The following VIT variants were observed in gnomAD, a reference collection of about 807,000 sequenced individuals.
VIT encodes the protein vitrin.
VIT carries 99 observed loss-of-function variants against 78.0 expected under a neutral mutation model. That is an observed-to-expected ratio of 1.27 (90% CI 1.08 to 1.50). VIT has a LOEUF of 1.50. Among genes scored for constraint, VIT ranks in the 40% most tolerant of loss-of-function variants. VIT has a pLI of 0.00. For synonymous variants in VIT, 374 were observed against 334.3 expected (o/e 1.12, Z -1.29); for missense variants, 1,126 against 875.3 (o/e 1.29, Z -3.61).
rs77936393 is a variant in VIT, at chr2:36,814,775, T to A, written c.*414T>A. On this transcript the variant is annotated 3_prime_UTR_variant, in exon 16 of 16. Transcript: ENST00000379242. Reference sequence around the variant, plus strand: ...AATGTAGGAATTGCTGAATTAAATGTTTAGAAGGATGACATGCAATGTTTC... The same window carrying A: ...AATGTAGGAATTGCTGAATTAAATGATTAGAAGGATGACATGCAATGTTTC... 6.8e-3 allele frequency: 1,089 copies of A among 160,620 alleles called. 8 individuals are homozygous for A. Among genetic ancestry groups the A allele is most frequent in the Non-Finnish European group, 0.013 (923 of 73,542 alleles). The allele number at this position is 160,620 out of a possible 1,614,324, so 9.9% of individuals were successfully genotyped here. A position where few individuals can be genotyped will look rare whatever the true frequency, so the allele number is the denominator to read the frequency against.
At chr2:36,727,295 C>T (rs1351646528) in intron 2 of VIT, among the ~76,000 whole-genome samples, 1 of 152,178 alleles carries the variant, frequency 6.6e-6, no homozygotes, top group Non-Finnish European at 1.5e-5. Context: ...CGTATGCACA[C>T]ACACATGGGT....
At chr2:36,718,809 T>C (rs762235891) in intron 2 of VIT, among the ~76,000 whole-genome samples, 1 of 152,202 alleles carries the variant, frequency 6.6e-6, no homozygotes, top group Admixed American at 6.5e-5. Context: ...TTGCTGTATA[T>C]GCCTGGCTTA....
At chr2:36,783,509 T>C in intron 11 of VIT, 107 bp downstream of exon 11, 1 of 1,058,280 alleles carries the variant, frequency 9.4e-7, no homozygotes, top group Non-Finnish European at 1.4e-6. Flanking sequence ...CTACCGTGGA[T>C]CTATTTATCT....
rs770212277 is a variant in VIT, at chr2:36,805,570, CGA to C, written c.1301_1302del (p.Glu434ValfsTer11). 45 of 1,613,916 alleles carry C rather than the reference CGA, an allele frequency of 2.8e-5. 1 individual carries two copies. The highest frequency in any genetic ancestry group is 3.6e-5 in the Non-Finnish European group (43 of 1,180,016). On this transcript the variant is annotated frameshift_variant, in exon 14 of 16. Coordinates refer to ENST00000379242, the MANE Select transcript of VIT (RefSeq NM_053276.4). LOFTEE classifies it high-confidence loss of function. ...AAAGTGGAGGAGGCTTCAAGACTTG[CGA>C]GAGAGTCAGGAATCAACATTTTCTT...
intron 3 of VIT, among the ~76,000 whole-genome samples, chr2:36,739,501 G>A (rs1667703703): frequency 6.6e-6 from 1 of 152,180 alleles, no homozygotes; most frequent in East Asian, 1.9e-4. Flanking sequence ...GTTCTGAGAT[G>A]AGACCTTTTG....
chr2:36,715,979 G>T (rs1489799248), intron 1 of VIT, among the ~76,000 whole-genome samples: 1 of 152,176 alleles, frequency 6.6e-6, no homozygotes, highest in African/African-American at 2.4e-5. Context: ...AATGAATAGT[G>T]AAGTATTAAT....
At chr2:36,760,633 C>T (rs1669060516) in intron 6 of VIT, among the ~76,000 whole-genome samples, 1 of 152,154 alleles carries the variant, frequency 6.6e-6, no homozygotes, top group African/African-American at 2.4e-5. Context: ...TCATCTGGCC[C>T]TGTGGCTCTG....
intron 1 of VIT, among the ~76,000 whole-genome samples, chr2:36,706,083 G>C (rs1665402237): frequency 6.6e-6 from 1 of 152,122 alleles, no homozygotes; most frequent in East Asian, 1.9e-4. Flanking sequence ...TGACAGCATG[G>C]TTTCAAGGTC....
chr2:36,809,513 G>T (rs1014492571), intron 15 of VIT, among the ~76,000 whole-genome samples: 1 of 152,186 alleles, frequency 6.6e-6, no homozygotes. Context: ...TGCCTCCCAG[G>T]TTGAAGCAAT....
intron 1 of VIT, among the ~76,000 whole-genome samples, chr2:36,715,863 T>C (rs372599959): frequency 6.6e-6 from 1 of 152,358 alleles, no homozygotes; most frequent in South Asian, 2.1e-4. Flanking sequence ...TTTCCACCTA[T>C]ATTAAACTGT....
chr2:36,798,630 G>C (rs1051759594), intron 12 of VIT, among the ~76,000 whole-genome samples: 1 of 151,968 alleles, frequency 6.6e-6, no homozygotes, highest in Non-Finnish European at 1.5e-5. Context: ...ATGGTGAAAG[G>C]TGCCTGTAAT....
At chr2:36,805,301 C>G (rs1011534559) in intron 13 of VIT, 137 bp from the exon 14 acceptor site, 1 of 899,972 alleles carries the variant, frequency 1.1e-6, no homozygotes, top group Non-Finnish European at 1.5e-6. Context: ...AAGACCCTGT[C>G]TCAAAGGAAA....
At chr2:36,764,949 T>G (rs995199933) in intron 6 of VIT, among the ~76,000 whole-genome samples, 2 of 151,874 alleles carry the variant, frequency 1.3e-5, no homozygotes, top group Middle Eastern at 3.2e-3. Context: ...CTTCTTGGTC[T>G]GCTGTGCTGT....
intron 2 of VIT, among the ~76,000 whole-genome samples, chr2:36,718,104 C>G (rs901640615): frequency 4.6e-5 from 7 of 152,286 alleles, no homozygotes; most frequent in Middle Eastern, 3.4e-3. Context: ...GAGGTACACC[C>G]TACTCCAGTA....
At chr2:36,729,378 T>G in intron 2 of VIT, 48 bp from the exon 3 acceptor site, 8 of 1,501,406 alleles carry the variant, frequency 5.3e-6, no homozygotes, top group Non-Finnish European at 6.3e-6. Flanking sequence ...GAGAAAGAAT[T>G]TAAGTAAAAT....
chr2:36,768,069 C>T (rs1292436516), intron 7 of VIT, among the ~76,000 whole-genome samples: 1 of 152,206 alleles, frequency 6.6e-6, no homozygotes, highest in African/African-American at 2.4e-5. Flanking sequence ...TGCCACATAG[C>T]ATGACCCTTC....
At chr2:36,704,772 A>C (rs1665306283) in intron 1 of VIT, among the ~76,000 whole-genome samples, 1 of 152,160 alleles carries the variant, frequency 6.6e-6, no homozygotes. Flanking sequence ...TGCCTCTCAG[A>C]ACTCTGTCAT....
intron 6 of VIT, among the ~76,000 whole-genome samples, chr2:36,760,106 T>C (rs568979347): frequency 6.6e-6 from 1 of 152,092 alleles, no homozygotes; most frequent in South Asian, 2.1e-4. Context: ...GCGATTCTCC[T>C]GCCTCAGCCT....
At chr2:36,751,753 T>G (rs1668478353) in intron 4 of VIT, among the ~76,000 whole-genome samples, 1 of 152,208 alleles carries the variant, frequency 6.6e-6, no homozygotes, top group South Asian at 2.1e-4. Context: ...AAAACAAGAT[T>G]TGCTGCTTGA....
Sources: allele counts gnomAD v4.1 joint callset (sites outside exome capture counted in the v4.1 genomes callset), GRCh38; gene constraint gnomAD v4.1.1; transcripts MANE v1.5; gene names NCBI Gene and HGNC (gene_info 2026-07-23, HGNC 2026-07-21).